Variants in KATNIP observed in about 807,000 individuals in gnomAD.
KATNIP encodes the protein katanin-interacting protein.
Under a neutral mutation model 174.0 loss-of-function variants are expected in KATNIP, and 126 were observed. The ratio of observed to expected loss-of-function variants is 0.72; its 90% confidence interval spans 0.63 to 0.84. The LOEUF (loss-of-function observed/expected upper bound fraction) is 0.84, where lower values mean the gene tolerates loss of function less well. Among genes scored for constraint, KATNIP ranks in the 40% least tolerant of loss-of-function variants. KATNIP has a pLI of 0.00. For synonymous variants in KATNIP, 810 were observed against 835.7 expected, an observed-to-expected ratio of 0.97 and a Z score of 0.53; for missense variants, 1,958 against 2,109.7, an observed-to-expected ratio of 0.93 and a Z score of 1.41.
At chr16:27,657,967 G>C (rs2142438213) in intron 6 of KATNIP, among the ~76,000 whole-genome samples, 1 of 152,302 alleles carries the variant, frequency 6.6e-6, no homozygotes, top group African/African-American at 2.4e-5. Context: ...TTTCCCAATT[G>C]TGATGTTATG....
chr16:27,768,477 T>C (rs939854965), intron 20 of KATNIP, among the ~76,000 whole-genome samples: 7 of 152,268 alleles, frequency 4.6e-5, no homozygotes, highest in African/African-American at 1.7e-4. Context: ...AATCTACTTT[T>C]GGGCGACTCT....
intron 1 of KATNIP, among the ~76,000 whole-genome samples, chr16:27,557,125 A>G (rs1388047307): frequency 6.7e-6 from 1 of 148,574 alleles, no homozygotes; most frequent in Non-Finnish European, 1.5e-5. Context: ...TATTCTTGAC[A>G]TTTTTCTGTG....
rs74016094 is a variant in KATNIP, at chr16:27,574,976, C to G, written c.63+1020C>G. Among the ~76,000 whole-genome samples, 384 of 152,276 alleles carry G rather than the reference C, an allele frequency of 2.5e-3. 2 individuals carry two copies. The highest frequency in any genetic ancestry group is 8.7e-3 in the African/African-American group (362 of 41,542). On this transcript the variant is annotated intron_variant, in intron 2 of 27. Transcript: ENST00000261588. ...ATTCTTGAAATCCGCTACCTTCCCC[C>G]CTCCCCGCCTCTGAGCCCACCTACT...
At chr16:27,618,744 T>C (rs1321247603) in intron 3 of KATNIP, among the ~76,000 whole-genome samples, 1 of 152,170 alleles carries the variant, frequency 6.6e-6, no homozygotes, top group East Asian at 1.9e-4. Flanking sequence ...CCCTCCCTGC[T>C]CCTATTCTGG....
At chr16:27,642,753 T>C (rs1198945419) in intron 5 of KATNIP, among the ~76,000 whole-genome samples, 1 of 148,178 alleles carries the variant, frequency 6.7e-6, no homozygotes, top group Non-Finnish European at 1.5e-5. Context: ...ACACATTGTT[T>C]TTTAATTTTT....
At chr16:27,621,633 A>G (rs749519044) in intron 3 of KATNIP, among the ~76,000 whole-genome samples, 10 of 152,090 alleles carry the variant, frequency 6.6e-5, no homozygotes, top group East Asian at 3.9e-4. Flanking sequence ...ATAAAGAGAA[A>G]GGTTTCATTG....
intron 12 of KATNIP, among the ~76,000 whole-genome samples, chr16:27,705,060 A>C (rs187718570): frequency 6.6e-6 from 1 of 151,818 alleles, no homozygotes; most frequent in Non-Finnish European, 1.5e-5. Context: ...ACAGGCACGC[A>C]TCACCATGCC....
chr16:27,573,526 G>C (rs2090379840), intron 1 of KATNIP, among the ~76,000 whole-genome samples: 1 of 152,242 alleles, frequency 6.6e-6, no homozygotes, highest in East Asian at 1.9e-4. Flanking sequence ...CAAAGGGTAT[G>C]TGTGTGTGCA....
At chr16:27,741,202 A>G (rs1354550766) in intron 15 of KATNIP, among the ~76,000 whole-genome samples, 1 of 152,142 alleles carries the variant, frequency 6.6e-6, no homozygotes, top group Non-Finnish European at 1.5e-5. Flanking sequence ...TTTCCAAGCC[A>G]TTTTCCAAAA....
At chr16:27,745,011 G>A (rs1308780395) in intron 15 of KATNIP, among the ~76,000 whole-genome samples, 1 of 152,158 alleles carries the variant, frequency 6.6e-6, no homozygotes, top group Non-Finnish European at 1.5e-5. Context: ...AGACAGAGCA[G>A]GATCCGATCT....
Position 27,740,477 on chromosome 16 carries a change from A to G in KATNIP, c.2180A>G (p.His727Arg). ...TSPPVKCPPVHEEPSLIQQLE... is the reference protein window; with the variant it reads ...TSPPVKCPPVREEPSLIQQLE... ...CCACCTGTGAAGTGCCCTCCTGTCC[A>G]TGAGGAGCCCTCTCTCATCCAACAA... Residue 727 changes from histidine (H) to arginine (R), a missense_variant, in exon 15 of 28, where the codon CAT becomes CGT. His to Arg is a conservative substitution (Grantham distance 29). Coordinates refer to ENST00000261588, the MANE Select transcript of KATNIP (RefSeq NM_015202.5). 2 of 1,614,154 alleles carry G rather than the reference A, an allele frequency of 1.2e-6. No individual in the cohort carries two copies. The highest frequency in any genetic ancestry group is 1.3e-5 in the African/African-American group (1 of 75,068).
At position 27,776,343 on chromosome 16, in the gene KATNIP, TGGG is replaced by T. The variant is rs1362797359; in HGVS notation, c.4450-582_4450-580del. Reference sequence around the variant, plus strand: ...TCCCCTAATATCTGAGAGCTTTGGTTGGGGGTGGGGAGAGGGAGGGCTGTTTGA... The same window carrying T: ...TCCCCTAATATCTGAGAGCTTTGGTTGGTGGGGAGAGGGAGGGCTGTTTGA... On this transcript the variant is annotated intron_variant, in intron 24 of 27. Transcript: ENST00000261588. The surrounding 1 kb of genome is among the most constrained non-coding windows in gnomAD (Gnocchi z 4.7). Among the ~76,000 whole-genome samples the T allele has an allele frequency of 6.6e-6, 1 of 151,828 alleles. No homozygotes were observed. The highest frequency in any genetic ancestry group is 1.5e-5 in the Non-Finnish European group (1 of 67,956).
chr16:27,723,047 A>G (rs1230472739), intron 14 of KATNIP, among the ~76,000 whole-genome samples: 2 of 152,216 alleles, frequency 1.3e-5, no homozygotes, highest in African/African-American at 2.4e-5. Context: ...GGCAAAGGAC[A>G]ATGGCAGTCA....
intron 13 of KATNIP, among the ~76,000 whole-genome samples, chr16:27,711,042 G>T (rs2079551029): frequency 6.6e-6 from 1 of 152,154 alleles, no homozygotes; most frequent in African/African-American, 2.4e-5. Flanking sequence ...TAGATTTCCA[G>T]CAGCAGAAAC....
chr16:27,733,924 A>G (rs1175625146), intron 14 of KATNIP, among the ~76,000 whole-genome samples: 1 of 152,186 alleles, frequency 6.6e-6, no homozygotes, highest in Admixed American at 6.5e-5. Context: ...CCCTTGTGGT[A>G]TAATGACACT....
chr16:27,701,564 G>A (rs760639451), intron 10 of KATNIP, 25 bp from the exon 11 acceptor site: 9 of 1,549,950 alleles, frequency 5.8e-6, no homozygotes, highest in South Asian at 1.2e-5. Context: ...TGAGACATCT[G>A]TTTAATAAGC....
chr16:27,601,124 A>T (rs1012805920), intron 2 of KATNIP, among the ~76,000 whole-genome samples: 1 of 152,008 alleles, frequency 6.6e-6, no homozygotes, highest in Non-Finnish European at 1.5e-5. Flanking sequence ...GAGGCCAGGG[A>T]TTTTTGTCTT....
At chr16:27,568,508 C>T (rs2090170755) in intron 1 of KATNIP, among the ~76,000 whole-genome samples, 1 of 151,874 alleles carries the variant, frequency 6.6e-6, no homozygotes, top group East Asian at 1.9e-4. Context: ...CGCTCTGTCG[C>T]CAGGCTGGAG....
intron 17 of KATNIP, among the ~76,000 whole-genome samples, chr16:27,752,831 G>T (rs556808741): frequency 4.4e-4 from 67 of 152,204 alleles, no homozygotes; most frequent in Non-Finnish European, 3.1e-4. Context: ...TGGGATTACA[G>T]GCAAGAGCCG....
Sources: allele counts gnomAD v4.1 joint callset (sites outside exome capture counted in the v4.1 genomes callset), GRCh38; gene constraint gnomAD v4.1.1; non-coding constraint Gnocchi (gnomAD v3.1); transcripts MANE v1.5; gene names NCBI Gene and HGNC (gene_info 2026-07-23, HGNC 2026-07-21).